Variants in KALRN observed in about 807,000 individuals in gnomAD.
The protein encoded by KALRN is kalirin RhoGEF kinase.
KALRN carries 70 observed loss-of-function variants against 353.7 expected under a neutral mutation model. The ratio of observed to expected loss-of-function variants is 0.20; its 90% CI spans 0.16 to 0.24. The LOEUF is 0.24. Among genes scored for constraint, KALRN ranks in the 10% least tolerant of loss-of-function variants. The pLI, the probability that KALRN is intolerant of heterozygous loss-of-function variation, is 1.00. For synonymous variants in KALRN, 1,391 were observed against 1,434.8 expected (o/e 0.97, Z 0.69); for missense variants, 2,791 against 3,756.7 (o/e 0.74, Z 6.72).
At chr3:124,638,825 A>T (rs557408765) in intron 37 of KALRN, among the ~76,000 whole-genome samples, 11 of 152,176 alleles carry the variant, frequency 7.2e-5, no homozygotes, top group African/African-American at 2.7e-4. Flanking sequence ...GAGCCTCTTT[A>T]TATCATTTTA....
intron 10 of KALRN, among the ~76,000 whole-genome samples, chr3:124,372,990 C>G (rs1054003523): frequency 6.6e-6 from 1 of 152,152 alleles, no homozygotes; most frequent in East Asian, 1.9e-4. Flanking sequence ...CCCGCAACTC[C>G]CTCCCCCAGC....
intron 53 of KALRN, among the ~76,000 whole-genome samples, chr3:124,694,943 AC>A (rs957153575): frequency 5.9e-5 from 9 of 152,226 alleles, no homozygotes. Flanking sequence ...ATCTTTCCCT[AC>A]AGATCCCCAA....
At chr3:124,422,656 G>A (rs1373928) in intron 14 of KALRN, among the ~76,000 whole-genome samples, 156 bp from the exon 15 acceptor site, 56,757 of 152,078 alleles carry the variant, frequency 0.37, 10,957 homozygotes, top group Middle Eastern at 0.48. Context: ...AAACAAGGGC[G>A]CATTGTGGTG....
At chr3:124,569,150 T>C (rs1251408551) in intron 34 of KALRN, among the ~76,000 whole-genome samples, 1 of 152,184 alleles carries the variant, frequency 6.6e-6, no homozygotes, top group African/African-American at 2.4e-5. Context: ...TCTCTGCTTA[T>C]GAAACCAAGT....
At chr3:124,234,027 T>C (rs2079476445) in intron 2 of KALRN, among the ~76,000 whole-genome samples, 1 of 152,172 alleles carries the variant, frequency 6.6e-6, no homozygotes, top group African/African-American at 2.4e-5. Flanking sequence ...ATTTGGAAAG[T>C]AGAGGAAAGA....
Position 124,462,599 on chromosome 3 carries a change from G to T in KALRN, c.3997G>T (p.Gly1333Cys), listed in dbSNP as rs916941927. ...GILNKEHIIFGNIQEIYDFHN... is the reference protein window; with the variant it reads ...GILNKEHIIFCNIQEIYDFHN... ...CCTCAATAAAGAGCATATCATCTTT[G>T]GCAACATCCAAGAGATCTACGATTT... Residue 1333 changes from glycine (G) to cysteine (C), a missense_variant, in exon 25 of 60, where the codon GGC becomes TGC. Physicochemically the swap from Gly to Cys is radical, Grantham distance 159 (BLOSUM62 -3). Around this residue, in one of 11 missense-constraint regions of KALRN, gnomAD observed 268 missense variants for 347.0 expected, o/e 0.77. Transcript: ENST00000682506. The T allele has an allele frequency of 1.2e-6, 2 of 1,611,280 alleles. No individual in the cohort carries two copies. The highest frequency in any genetic ancestry group is 8.5e-7 in the Non-Finnish European group (1 of 1,177,504).
chr3:124,703,292 C>A (rs2062434730), intron 57 of KALRN, among the ~76,000 whole-genome samples: 1 of 151,856 alleles, frequency 6.6e-6, no homozygotes, highest in African/African-American at 2.4e-5. Context: ...CTTTGTGTAG[C>A]CAAACAGAAG....
chr3:124,584,759 G>GCC, intron 34 of KALRN: 1 of 1,543,086 alleles, frequency 6.5e-7, no homozygotes, highest in Non-Finnish European at 8.7e-7. Context: ...TTTCCTTCCC[G>GCC]CCGCGCTCTC....
intron 1 of KALRN, chr3:124,082,454 G>A (rs2060592362): frequency 5.5e-6 from 2 of 366,148 alleles, no homozygotes; most frequent in Non-Finnish European, 1.1e-5. Flanking sequence ...TTTGGGGGGT[G>A]AGGTGGTGGT....
intron 16 of KALRN, among the ~76,000 whole-genome samples, chr3:124,433,290 TA>T (rs961520660): frequency 1.6e-4 from 23 of 146,188 alleles, no homozygotes; most frequent in South Asian, 2.2e-4. Flanking sequence ...TAAAAAGGAT[TA>T]AAAAAAAAAG....
chr3:124,423,326 A>G (rs906762351), intron 15 of KALRN, among the ~76,000 whole-genome samples: 1 of 152,204 alleles, frequency 6.6e-6, no homozygotes, highest in East Asian at 1.9e-4. Flanking sequence ...CAATAAATAT[A>G]TTTAGGATGT....
chr3:124,250,560 A>G (rs897748925), intron 3 of KALRN, among the ~76,000 whole-genome samples: 1 of 152,224 alleles, frequency 6.6e-6, no homozygotes, highest in Non-Finnish European at 1.5e-5. Flanking sequence ...TGGCTGAGGC[A>G]CTGTGCTTAG....
chr3:124,366,721 A>G (rs2084756218), intron 10 of KALRN, among the ~76,000 whole-genome samples: 1 of 151,934 alleles, frequency 6.6e-6, no homozygotes, highest in Non-Finnish European at 1.5e-5. Context: ...GCTGTTGGGC[A>G]CACCTCCCAG....
chr3:124,536,487 C>T (rs905221483), intron 33 of KALRN, among the ~76,000 whole-genome samples: 4 of 152,212 alleles, frequency 2.6e-5, no homozygotes, highest in Admixed American at 6.5e-5. Flanking sequence ...TAGGCGTGAG[C>T]CACCATGTCC....
chr3:124,162,316 A>G (rs1366943516), intron 1 of KALRN: 1 of 152,200 alleles, frequency 6.6e-6, no homozygotes, highest in African/African-American at 2.4e-5. Context: ...CACTGCCTTA[A>G]TGTGGTCAGG....
intron 34 of KALRN, among the ~76,000 whole-genome samples, chr3:124,582,548 C>T (rs2074732301): frequency 6.6e-6 from 1 of 152,074 alleles, no homozygotes; most frequent in Admixed American, 6.5e-5. Context: ...CCATTAAAGC[C>T]TCATCATAGT....
rs536163864 is a variant in KALRN, at chr3:124,632,517, G to A, written c.5280G>A (p.Pro1760=). Residue 1760 remains proline, a synonymous_variant, in exon 35 of 60, where the codon CCG becomes CCA. Coordinates refer to ENST00000682506, the MANE Select transcript of KALRN (RefSeq NM_001388419.1). ...CCCTGAACTCCATCCACAGTTCCCCGGGTCCCAAGCGCTCCACCAACACTC... is the reference window on the plus strand; with the variant it reads ...CCCTGAACTCCATCCACAGTTCCCCAGGTCCCAAGCGCTCCACCAACACTC... The part of the protein sequence containing the change: ...QPSLNSIHSS[P]GPKRSTNTLK... 76 of 1,614,170 alleles carry A rather than the reference G, an allele frequency of 4.7e-5. 1 individual carries two copies. The highest frequency in any genetic ancestry group is 4.4e-4 in the South Asian group (40 of 91,074).
At chr3:124,324,959 C>T (rs779749405) in intron 6 of KALRN, among the ~76,000 whole-genome samples, 2 of 152,146 alleles carry the variant, frequency 1.3e-5, no homozygotes, top group South Asian at 2.1e-4. Flanking sequence ...TTGTGTGATT[C>T]GGAAAAGCTC....
chr3:124,651,768 G>C (rs772997537), intron 38 of KALRN, among the ~76,000 whole-genome samples: 1 of 151,604 alleles, frequency 6.6e-6, no homozygotes, highest in Non-Finnish European at 1.5e-5. Context: ...CTCCCAAGTA[G>C]CTGGGACTAC....
Sources: allele counts gnomAD v4.1 joint callset (sites outside exome capture counted in the v4.1 genomes callset), GRCh38; gene constraint gnomAD v4.1.1; regional missense constraint gnomAD v4.1.1; transcripts MANE v1.5; gene names NCBI Gene and HGNC (gene_info 2026-07-23, HGNC 2026-07-21).